RNF157: variants seen among roughly 807,000 people sequenced by gnomAD.
RNF157 encodes E3 ubiquitin ligase RNF157.
Under a neutral mutation model 88.3 loss-of-function variants are expected in RNF157, and 55 were observed. The observed-to-expected ratio is 0.62, with a 90% CI of 0.50 to 0.78. The LOEUF is 0.78. Ranked by LOEUF, RNF157 falls within the 30% of genes least tolerant of loss-of-function variation. RNF157 has a pLI of 0.00. For synonymous variants in RNF157, 334 were observed against 341.2 expected, an observed-to-expected ratio of 0.98 and a Z score of 0.23; for missense variants, 788 against 860.8, an observed-to-expected ratio of 0.92 and a Z score of 1.06.
chr17:76,237,315 C>T (rs1052895997), intron 1 of RNF157, among the ~76,000 whole-genome samples: 1 of 152,182 alleles, frequency 6.6e-6, no homozygotes, highest in South Asian at 2.1e-4. Context: ...TGCTTCTTTC[C>T]GAAACAACTG....
At chr17:76,156,423 A>C in intron 13 of RNF157, 102 bp from the exon 14 acceptor site, 3 of 1,548,890 alleles carry the variant, frequency 1.9e-6, no homozygotes, top group South Asian at 1.2e-5. Context: ...TGAGGAGGAA[A>C]GGCGACACTG....
chr17:76,173,628 G>A (rs1368185691), intron 3 of RNF157, 74 bp downstream of exon 3: 2 of 1,167,878 alleles, frequency 1.7e-6, no homozygotes, highest in Middle Eastern at 2.8e-4. Context: ...AGTTCCTTGG[G>A]AAGTCTGTCC....
chr17:76,181,602 T>C (rs955152255), intron 2 of RNF157, among the ~76,000 whole-genome samples: 1 of 152,014 alleles, frequency 6.6e-6, no homozygotes, highest in Non-Finnish European at 1.5e-5. Flanking sequence ...TATGGCGACT[T>C]CTTCACTAAA....
At chr17:76,148,894 A>G (rs2068629919) in intron 18 of RNF157, among the ~76,000 whole-genome samples, 1 of 152,182 alleles carries the variant, frequency 6.6e-6, no homozygotes, top group Non-Finnish European at 1.5e-5. Context: ...TCCATCACTG[A>G]CTACCCCAGG....
chr17:76,213,951 C>T (rs2069845850), intron 1 of RNF157, among the ~76,000 whole-genome samples: 1 of 152,146 alleles, frequency 6.6e-6, no homozygotes, highest in South Asian at 2.1e-4. Context: ...CATAACCTCG[C>T]CCTATGTATC....
At chr17:76,168,500 GCTGT>G (rs1290463140) in intron 3 of RNF157, among the ~76,000 whole-genome samples, 11 of 151,488 alleles carry the variant, frequency 7.3e-5, no homozygotes, top group African/African-American at 9.7e-5. Flanking sequence ...GCTCTCTGGG[GCTGT>G]CTAAATCTCT....
chr17:76,157,660 C>T lies in RNF157; in HGVS notation c.1413+733G>A, dbSNP rs190879740. Among the ~76,000 whole-genome samples, 3 of 152,330 alleles carry T rather than the reference C, an allele frequency of 2.0e-5. No homozygotes were observed. The highest frequency in any genetic ancestry group is 7.2e-5 in the African/African-American group (3 of 41,570). On this transcript the variant is annotated intron_variant, in intron 13 of 18. Transcript: ENST00000269391. The surrounding 1 kb of genome is among the most constrained non-coding windows in gnomAD (Gnocchi z 5.6). ...ACAAATACTTACTGAGCAACAACAACGTGCCAGGCACATGCTATTCCCATG... is the reference window on the plus strand; with the variant it reads ...ACAAATACTTACTGAGCAACAACAATGTGCCAGGCACATGCTATTCCCATG...
chr17:76,183,327 G>C (rs1204114162), intron 2 of RNF157, among the ~76,000 whole-genome samples: 1 of 152,124 alleles, frequency 6.6e-6, no homozygotes, highest in Non-Finnish European at 1.5e-5. Context: ...CTAGGAATCT[G>C]TATTTTAATA....
chr17:76,212,942 T>C (rs1192080075), intron 1 of RNF157, among the ~76,000 whole-genome samples: 1 of 152,212 alleles, frequency 6.6e-6, no homozygotes, highest in Middle Eastern at 3.2e-3. Context: ...CTTTTCCTGA[T>C]TTGGGACAAT....
intron 1 of RNF157, among the ~76,000 whole-genome samples, chr17:76,219,984 T>C (rs1244490557): frequency 6.6e-6 from 1 of 152,142 alleles, no homozygotes; most frequent in Non-Finnish European, 1.5e-5. Flanking sequence ...TGAATTTGTA[T>C]TAGAAATATC....
chr17:76,147,356 A>T, intron 18 of RNF157: 1 of 986,892 alleles, frequency 1.0e-6, no homozygotes, highest in South Asian at 4.5e-5. Context: ...AAGAGAGAAG[A>T]CACACATGCA....
At chr17:76,150,957 TAAAC>T (rs1203820851) in intron 18 of RNF157, among the ~76,000 whole-genome samples, 3 of 152,018 alleles carry the variant, frequency 2.0e-5, no homozygotes, top group Non-Finnish European at 2.9e-5. Flanking sequence ...GTTTAGAAAA[TAAAC>T]AAACCAGACA....
chr17:76,184,169 C>T (rs1050864609), intron 2 of RNF157, among the ~76,000 whole-genome samples: 3 of 141,824 alleles, frequency 2.1e-5, no homozygotes, highest in African/African-American at 2.7e-5. Flanking sequence ...CCAGCCTGGG[C>T]GACAGAGCAA....
chr17:76,159,903 C>T (rs1485765939), intron 11 of RNF157, among the ~76,000 whole-genome samples: 1 of 152,150 alleles, frequency 6.6e-6, no homozygotes, highest in Non-Finnish European at 1.5e-5. Flanking sequence ...GTCTCTTCTT[C>T]CCATTTTTTT....
chr17:76,189,359 C>A (rs2069344885), intron 2 of RNF157, among the ~76,000 whole-genome samples: 1 of 152,106 alleles, frequency 6.6e-6, no homozygotes, highest in African/African-American at 2.4e-5. Flanking sequence ...AAGAGAAATG[C>A]AGAGATGAAA....
In RNF157 at chr17:76,210,320, G is replaced by A. The variant is rs193222458; in HGVS notation, c.207+2044C>T. Among the ~76,000 whole-genome samples the A allele has an allele frequency of 5.7e-4, 86 of 152,070 alleles. 1 individual carries two copies. In the South Asian group the frequency reaches 9.3e-3, roughly 17 times the overall value. On this transcript the variant is annotated intron_variant, in intron 2 of 18. Coordinates refer to ENST00000269391, the MANE Select transcript of RNF157 (RefSeq NM_052916.3). Reference sequence around the variant, plus strand: ...TAGAAAGGAAGAGAACCCGCCGGGCGCAGTGGCTCATGCCTGTAATCCCAG... The same window carrying A: ...TAGAAAGGAAGAGAACCCGCCGGGCACAGTGGCTCATGCCTGTAATCCCAG...
chr17:76,218,395 C>A (rs1169964433), intron 1 of RNF157, among the ~76,000 whole-genome samples: 2 of 152,194 alleles, frequency 1.3e-5, no homozygotes, highest in African/African-American at 4.8e-5. Flanking sequence ...AATCCCAGTA[C>A]TTTGGGAGGC....
intron 1 of RNF157, among the ~76,000 whole-genome samples, chr17:76,233,198 G>A (rs554368353): frequency 6.6e-5 from 10 of 152,162 alleles, no homozygotes; most frequent in Non-Finnish European, 1.3e-4. Flanking sequence ...GGGATTACAG[G>A]CGTGAGCCAC....
Position 76,240,025 on chromosome 17 carries a change from G to A in RNF157, c.88+128C>T, listed in dbSNP as rs937948875. The A allele has an allele frequency of 7.9e-6, 3 of 381,960 alleles. No homozygotes were observed. Among genetic ancestry groups the A allele is most frequent in the Admixed American group, 5.2e-5 (1 of 19,086 alleles). 23.7% of individuals were successfully genotyped at this position (381,960 alleles called of 1,614,324 possible). ...TTCTCGAAGACCTCCCGCGCTCGAA[G>A]ACCGTTTCGGAGCGTCCGCAACCAC... is the stretch of plus-strand genomic sequence containing the variant. On this transcript the variant is annotated intron_variant, in intron 1 of 18. Transcript: ENST00000269391. This position sits in a 1 kb window ranked among gnomAD's most constrained non-coding sequence, Gnocchi z 4.4.
Sources: allele counts gnomAD v4.1 joint callset (sites outside exome capture counted in the v4.1 genomes callset), GRCh38; gene constraint gnomAD v4.1.1; non-coding constraint Gnocchi (gnomAD v3.1); transcripts MANE v1.5; gene names NCBI Gene and HGNC (gene_info 2026-07-23, HGNC 2026-07-21).